Variants in SLC18A2 observed in about 807,000 individuals in gnomAD.
SLC18A2 encodes synaptic vesicular amine transporter.
In SLC18A2, 33 loss-of-function variants were observed where a neutral mutation model predicts 59.2. The observed-to-expected ratio is 0.56, with a 90% CI of 0.42 to 0.75. The LOEUF is 0.75. Among genes scored for constraint, SLC18A2 ranks in the 30% least tolerant of loss-of-function variants. The pLI, the probability that SLC18A2 is intolerant of heterozygous loss-of-function variation, is 0.00. For missense variants in SLC18A2, 569 were observed against 668.6 expected (o/e 0.85, Z 1.64); for synonymous variants, 228 against 253.5 (o/e 0.90, Z 0.95).
intron 10 of SLC18A2, among the ~76,000 whole-genome samples, chr10:117,260,226 G>A (rs1246832749): frequency 1.3e-5 from 2 of 152,180 alleles, no homozygotes; most frequent in Non-Finnish European, 2.9e-5. Context: ...TCTCCTGCCA[G>A]GGTGAAGGCT....
At position 117,269,986 on chromosome 10, in the gene SLC18A2, T is replaced by A; in HGVS notation, c.1187-85T>A. ...AGAAGGGGAAGAGCTGGCAGGGTGG[T>A]GAGTTTAAGACACACTCCCTGATAT... On this transcript the variant is annotated intron_variant, in intron 13 of 15. Coordinates refer to ENST00000644641, the MANE Select transcript of SLC18A2 (RefSeq NM_003054.6). This position sits in a 1 kb window ranked among gnomAD's most constrained non-coding sequence, Gnocchi z 5.1. 1 of 1,515,806 alleles carries A rather than the reference T, an allele frequency of 6.6e-7. No homozygotes were observed. The highest frequency in any genetic ancestry group is 1.2e-5 in the South Asian group (1 of 82,304). The allele number at this position is 1,515,806 out of a possible 1,614,324, so 93.9% of individuals were successfully genotyped here.
chr10:117,270,491 A>G (rs756411439), intron 15 of SLC18A2, 28 bp downstream of exon 15: 3 of 1,609,682 alleles, frequency 1.9e-6, no homozygotes, highest in African/African-American at 1.3e-5. Flanking sequence ...TGCAGTGAGC[A>G]TTTCTTGATA....
Position 117,241,684 on chromosome 10 carries a change from C to A in SLC18A2, c.-10C>A. On this transcript the variant is annotated 5_prime_UTR_variant, in exon 2 of 16. Coordinates refer to ENST00000644641, the MANE Select transcript of SLC18A2 (RefSeq NM_003054.6). ...ACCGCGCACCGCGCCCGCAGCGGAG[C>A]CCCGGAGCCATGGCCCTGAGCGAGC... The A allele has an allele frequency of 6.3e-7, 1 of 1,575,928 alleles. No individual in the cohort carries two copies. The highest frequency in any genetic ancestry group is 8.6e-7 in the Non-Finnish European group (1 of 1,163,108).
chr10:117,276,243 C>A (rs893911178), intron 15 of SLC18A2, among the ~76,000 whole-genome samples: 2 of 151,984 alleles, frequency 1.3e-5, no homozygotes, highest in African/African-American at 4.8e-5. Flanking sequence ...GAGCTGAGAT[C>A]GCACCACTGC....
At chr10:117,263,623 A>C (rs1403517865) in intron 10 of SLC18A2, among the ~76,000 whole-genome samples, 1 of 152,124 alleles carries the variant, frequency 6.6e-6, no homozygotes, top group Non-Finnish European at 1.5e-5. Flanking sequence ...GGGTGGAGAA[A>C]GAATGATTTC....
At chr10:117,248,641 A>G (rs114030609) in intron 3 of SLC18A2, among the ~76,000 whole-genome samples, 1,622 of 152,360 alleles carry the variant, frequency 0.011, 30 homozygotes, top group African/African-American at 0.037. Context: ...CATTTGGTCT[A>G]AGAAGCAAAT....
chr10:117,243,327 A>G (rs1844075484), intron 2 of SLC18A2, among the ~76,000 whole-genome samples: 1 of 152,214 alleles, frequency 6.6e-6, no homozygotes, highest in Non-Finnish European at 1.5e-5. Context: ...TTTCTGAAAT[A>G]TTCCTTGAAG....
rs180822348 is a variant in SLC18A2, at chr10:117,251,784, C to T, written c.465-1615C>T. Among the ~76,000 whole-genome samples, 17 of 152,118 alleles carry T rather than the reference C, an allele frequency of 1.1e-4. 1 individual carries two copies. In the East Asian group the frequency reaches 1.9e-3, roughly 17 times the overall value. On this transcript the variant is annotated intron_variant, in intron 3 of 15. Coordinates refer to ENST00000644641, the MANE Select transcript of SLC18A2 (RefSeq NM_003054.6). ...AAAAGCCATGTGGGAATGGCCCAGG[C>T]GAAATTAGTCTGATGACATCTGATA...
chr10:117,264,210 T>C (rs1053444122), intron 10 of SLC18A2, among the ~76,000 whole-genome samples: 1 of 152,228 alleles, frequency 6.6e-6, no homozygotes, highest in Non-Finnish European at 1.5e-5. Context: ...CAGAGATATG[T>C]GAAGAGTGTT....
intron 15 of SLC18A2, among the ~76,000 whole-genome samples, chr10:117,271,087 A>T (rs563127426): frequency 6.6e-6 from 1 of 152,354 alleles, no homozygotes; most frequent in African/African-American, 2.4e-5. Context: ...TGAATTTTGA[A>T]ATGCATGAGT....
At chr10:117,266,237 A>G (rs1175909560) in intron 10 of SLC18A2, among the ~76,000 whole-genome samples, 1 of 152,196 alleles carries the variant, frequency 6.6e-6, no homozygotes, top group Non-Finnish European at 1.5e-5. Flanking sequence ...CAAAACACAC[A>G]TAAATATATT....
Position 117,269,934 on chromosome 10 carries a change from A to T in SLC18A2, c.1187-137A>T, listed in dbSNP as rs1844404795. The T allele has an allele frequency of 1.0e-6, 1 of 999,352 alleles. No homozygotes were observed. Among genetic ancestry groups the T allele is most frequent in the South Asian group, 1.6e-5 (1 of 60,902 alleles). 61.9% of individuals were successfully genotyped at this position (999,352 alleles called of 1,614,324 possible). A position where few individuals can be genotyped will look rare whatever the true frequency, so the allele number is the denominator to read the frequency against. On this transcript the variant is annotated intron_variant, in intron 13 of 15. Coordinates refer to ENST00000644641, the MANE Select transcript of SLC18A2 (RefSeq NM_003054.6). The surrounding 1 kb of genome is among the most constrained non-coding windows in gnomAD (Gnocchi z 5.1). ...TTCTTTCTACTCAAAGATTAGTATC[A>T]CCCCAAGACTTGCAGGTGGTGATGA...
At chr10:117,260,856 G>A (rs1341851232) in intron 10 of SLC18A2, among the ~76,000 whole-genome samples, 1 of 152,168 alleles carries the variant, frequency 6.6e-6, no homozygotes, top group Non-Finnish European at 1.5e-5. Flanking sequence ...CTCTGTTAGA[G>A]CAGGGCGTCC....
chr10:117,273,232 G>A (rs1158612839), intron 15 of SLC18A2, among the ~76,000 whole-genome samples: 1 of 152,152 alleles, frequency 6.6e-6, no homozygotes, highest in African/African-American at 2.4e-5. Flanking sequence ...ATCAGTATAG[G>A]TGGAGGAAAA....
chr10:117,270,725 G>A (rs995105507), intron 15 of SLC18A2, among the ~76,000 whole-genome samples: 2 of 152,154 alleles, frequency 1.3e-5, no homozygotes, highest in Non-Finnish European at 2.9e-5. Flanking sequence ...TGTCGACCAA[G>A]TATAAACCTG....
At position 117,243,943 on chromosome 10, in the gene SLC18A2, C is replaced by T. The variant is rs747660293; in HGVS notation, c.122-28C>T. Reference sequence around the variant, plus strand: ...CTGGAGAGGGTTTCAGTGTGATCACCACCTTGCCATTCTGCTCTTATCCCC... The same window carrying T: ...CTGGAGAGGGTTTCAGTGTGATCACTACCTTGCCATTCTGCTCTTATCCCC... On this transcript the variant is annotated intron_variant, in intron 2 of 15. Transcript: ENST00000644641. 7 of 1,578,338 alleles carry T rather than the reference C, an allele frequency of 4.4e-6. No homozygotes were observed. The Admixed American group carries it at 1.0e-4, about 23-fold the overall frequency.
At position 117,266,821 on chromosome 10, in the gene SLC18A2, T is replaced by C; in HGVS notation, c.1070+10T>C. ...CACACAAAATGGGGAGGTAAGATGA[T>C]ATGAAAACAACACTCATTCTGTTAC... On this transcript the variant is annotated intron_variant, in intron 11 of 15. Coordinates refer to ENST00000644641, the MANE Select transcript of SLC18A2 (RefSeq NM_003054.6). 1.9e-6 allele frequency: 3 copies of C among 1,608,820 alleles called. No homozygotes were observed. Among genetic ancestry groups the C allele is most frequent in the Non-Finnish European group, 2.6e-6 (3 of 1,175,628 alleles).
At position 117,241,681 on chromosome 10, in the gene SLC18A2, G is replaced by A. The variant is rs762256048; in HGVS notation, c.-13G>A. 16 of 1,570,546 alleles carry A rather than the reference G, an allele frequency of 1.0e-5. No individual in the cohort carries two copies. In the African/African-American group the frequency reaches 2.1e-4, roughly 20 times the overall value. ...CTCACCGCGCACCGCGCCCGCAGCG[G>A]AGCCCCGGAGCCATGGCCCTGAGCG... On this transcript the variant is annotated splice_region_variant and 5_prime_UTR_variant, in exon 2 of 16. Transcript: ENST00000644641.
chr10:117,275,350 C>T (rs1161149817), intron 15 of SLC18A2, among the ~76,000 whole-genome samples: 2 of 152,088 alleles, frequency 1.3e-5, no homozygotes, highest in African/African-American at 2.4e-5. Context: ...AGCACTGAGT[C>T]GAGTCTTATC....
Sources: allele counts gnomAD v4.1 joint callset (sites outside exome capture counted in the v4.1 genomes callset), GRCh38; gene constraint gnomAD v4.1.1; non-coding constraint Gnocchi (gnomAD v3.1); transcripts MANE v1.5; gene names NCBI Gene and HGNC (gene_info 2026-07-23, HGNC 2026-07-21).